Variants in RIMS2 observed in about 807,000 individuals in gnomAD.
RIMS2 encodes regulating synaptic membrane exocytosis 2.
RIMS2 carries 59 observed loss-of-function variants against 174.4 expected under a neutral mutation model. The observed-to-expected ratio is 0.34, with a 90% CI of 0.27 to 0.42. The LOEUF (loss-of-function observed/expected upper bound fraction) is 0.42. Ranked by LOEUF, RIMS2 falls within the 10% of genes least tolerant of loss-of-function variation. The pLI is 1.00. For synonymous variants in RIMS2, 606 were observed against 572.5 expected (o/e 1.06, Z -0.84); for missense variants, 1,620 against 1,666.3 (o/e 0.97, Z 0.48).
At chr8:104,010,023 TGGAC>T (rs145930054) in intron 17 of RIMS2, among the ~76,000 whole-genome samples, 1 of 151,328 alleles carries the variant, frequency 6.6e-6, no homozygotes, top group African/African-American at 2.4e-5. Flanking sequence ...GACGGACGGA[TGGAC>T]GGACGGACGG....
At chr8:104,253,396 G>A (rs1208284726), downstream of RIMS2, 3 of 152,008 alleles carry the variant, frequency 2.0e-5, no homozygotes, top group Admixed American at 2.0e-4. Context: ...TTTTTCTGTA[G>A]TAAAATTCAA....
intron 19 of RIMS2, chr8:104,015,354 C>T: frequency 3.1e-6 from 2 of 636,686 alleles, no homozygotes; most frequent in South Asian, 1.8e-5. Flanking sequence ...GTTTTTAACC[C>T]CTGTGCTTTG....
chr8:103,508,194 C>G (rs1048665122), intron 1 of RIMS2, among the ~76,000 whole-genome samples: 1 of 151,924 alleles, frequency 6.6e-6, no homozygotes, highest in Admixed American at 6.6e-5. Context: ...TAATTTTAAC[C>G]ATTATCAGGT....
At chr8:103,680,262 T>C (rs1032293025) in intron 1 of RIMS2, among the ~76,000 whole-genome samples, 2 of 152,026 alleles carry the variant, frequency 1.3e-5, no homozygotes, top group Non-Finnish European at 1.5e-5. Context: ...TAGATTGATA[T>C]CACAAATCAG....
chr8:103,903,686 T>C (rs771053126), intron 4 of RIMS2, among the ~76,000 whole-genome samples: 4 of 152,162 alleles, frequency 2.6e-5, no homozygotes, highest in Non-Finnish European at 2.9e-5. Context: ...ATACCAGAGT[T>C]AGACAGGATT....
intron 1 of RIMS2, among the ~76,000 whole-genome samples, chr8:103,661,565 G>A (rs980462552): frequency 8.6e-5 from 13 of 151,850 alleles, no homozygotes; most frequent in East Asian, 5.8e-4. Flanking sequence ...GTGCAGTGGC[G>A]TGATCTTGGC....
chr8:103,740,290 T>G (rs1397369712), intron 2 of RIMS2, among the ~76,000 whole-genome samples: 1 of 152,184 alleles, frequency 6.6e-6, no homozygotes, highest in Non-Finnish European at 1.5e-5. Flanking sequence ...TAAGTGGTGA[T>G]TAAATAGAAT....
chr8:103,786,607 C>G lies in RIMS2; in HGVS notation c.698+20070C>G, dbSNP rs537781468. 6.1e-3 allele frequency among the ~76,000 whole-genome samples: 935 copies of G among 152,206 alleles called. 12 individuals are homozygous for G. Among genetic ancestry groups the G allele is most frequent in the African/African-American group, 0.021 (884 of 41,528 alleles). Reference sequence around the variant, plus strand: ...TGAATGAGATTCTTAATCCTGAGTTCTAGTTTGATTGCACTGTGGTCTGAG... The same window carrying G: ...TGAATGAGATTCTTAATCCTGAGTTGTAGTTTGATTGCACTGTGGTCTGAG... On this transcript the variant is annotated intron_variant, in intron 3 of 23. Coordinates refer to ENST00000504942, the Ensembl canonical transcript of RIMS2.
chr8:103,584,638 T>G (rs61301281), intron 1 of RIMS2, among the ~76,000 whole-genome samples: 27,682 of 152,184 alleles, frequency 0.18, 2,759 homozygotes, highest in African/African-American at 0.26. Context: ...GCTTGTTTGT[T>G]TATGCAAATA....
intron 1 of RIMS2, among the ~76,000 whole-genome samples, chr8:103,507,402 A>G (rs576075322): frequency 6.6e-6 from 1 of 152,228 alleles, no homozygotes; most frequent in South Asian, 2.1e-4. Flanking sequence ...TTTGTTCACT[A>G]ATGCAGCTTC....
At chr8:104,061,333 C>T (rs903753490) in intron 19 of RIMS2, among the ~76,000 whole-genome samples, 5 of 152,024 alleles carry the variant, frequency 3.3e-5, no homozygotes, top group Non-Finnish European at 7.4e-5. Flanking sequence ...TAATGGCTTT[C>T]TTTGTCTCTT....
chr8:104,023,707 G>A (rs1597309125), intron 19 of RIMS2, among the ~76,000 whole-genome samples: 2 of 152,254 alleles, frequency 1.3e-5, no homozygotes, highest in Middle Eastern at 6.8e-3. Context: ...CATATTAGAG[G>A]TGTGGACTGT....
chr8:104,157,577 G>A (rs1263486297), intron 19 of RIMS2, among the ~76,000 whole-genome samples: 3 of 152,078 alleles, frequency 2.0e-5, no homozygotes, highest in Admixed American at 1.3e-4. Context: ...CCAGCCCTTA[G>A]TAACCACCAT....
intron 19 of RIMS2, among the ~76,000 whole-genome samples, chr8:104,025,724 C>CACACACAT (rs1555152510): frequency 2.0e-5 from 3 of 151,938 alleles, no homozygotes; most frequent in Non-Finnish European, 2.9e-5. Flanking sequence ...CACACACACA[C>CACACACAT]ACACACACAG....
intron 3 of RIMS2, among the ~76,000 whole-genome samples, chr8:103,788,112 T>G (rs925065916): frequency 3.3e-5 from 5 of 150,908 alleles, no homozygotes; most frequent in African/African-American, 1.2e-4. Flanking sequence ...GCCTTGGTTT[T>G]CAGCTCCATC....
intron 19 of RIMS2, among the ~76,000 whole-genome samples, chr8:104,187,160 T>A (rs2098972641): frequency 6.6e-6 from 1 of 151,766 alleles, no homozygotes; most frequent in Non-Finnish European, 1.5e-5. Flanking sequence ...GCAAAAGTCA[T>A]TGTATGGTTC....
At chr8:103,862,337 G>A (rs2099063159) in intron 3 of RIMS2, among the ~76,000 whole-genome samples, 1 of 151,934 alleles carries the variant, frequency 6.6e-6, no homozygotes, top group Non-Finnish European at 1.5e-5. Context: ...TGATCTATGT[G>A]TCTATTTTTA....
At chr8:103,606,980 T>A (rs1215982452) in intron 1 of RIMS2, among the ~76,000 whole-genome samples, 1 of 152,134 alleles carries the variant, frequency 6.6e-6, no homozygotes, top group Non-Finnish European at 1.5e-5. Flanking sequence ...GTCTTTTAAT[T>A]GGAGCATTTA....
intron 1 of RIMS2, among the ~76,000 whole-genome samples, chr8:103,654,357 T>C (rs961815557): frequency 1.3e-5 from 2 of 152,008 alleles, no homozygotes; most frequent in African/African-American, 4.8e-5. Context: ...ATAAATATAA[T>C]CCAATCTGCT....
Sources: gnomAD v4.1 joint callset for allele counts (sites outside exome capture counted in the v4.1 genomes callset) on GRCh38, gnomAD v4.1.1 for gene constraint, MANE v1.5 for transcripts, NCBI Gene and HGNC (gene_info 2026-07-23, HGNC 2026-07-21) for gene names.